The following KCNMA1 variants were observed in gnomAD, a reference collection of about 807,000 sequenced individuals.
The protein encoded by KCNMA1 is potassium calcium-activated channel subfamily M alpha 1.
In KCNMA1, 29 loss-of-function variants were observed where a neutral mutation model predicts 140.0. The observed-to-expected ratio is 0.21, with a 90% confidence interval of 0.15 to 0.28. KCNMA1 has a LOEUF of 0.28. Among genes scored for constraint, KCNMA1 ranks in the 10% least tolerant of loss-of-function variants. The pLI is 1.00. For missense variants in KCNMA1, 880 were observed against 1,602.2 expected (o/e 0.55, Z 7.70); for synonymous variants, 612 against 611.9 (o/e 1.00, Z 0.00).
chr10:77,543,162 T>C (rs1364805979), intron 1 of KCNMA1, among the ~76,000 whole-genome samples: 2 of 152,096 alleles, frequency 1.3e-5, no homozygotes, highest in Non-Finnish European at 2.9e-5. Context: ...CCCTCATTAG[T>C]GGAATGAGCC....
chr10:76,970,335 A>T (rs78265673), intron 19 of KCNMA1: 1 of 351,038 alleles, frequency 2.8e-6, no homozygotes, highest in Non-Finnish European at 5.3e-6. Context: ...ATAAGAAAAA[A>T]AAAAAAAAAA....
chr10:77,027,043 C>T (rs1037301193), intron 16 of KCNMA1, among the ~76,000 whole-genome samples: 2 of 152,146 alleles, frequency 1.3e-5, no homozygotes, highest in African/African-American at 4.8e-5. Flanking sequence ...TTGAGCATTT[C>T]TCAATGAGCT....
At chr10:77,296,908 T>TGGGGGGGGGG (rs781675116) in intron 2 of KCNMA1, among the ~76,000 whole-genome samples, 2 of 80,254 alleles carry the variant, frequency 2.5e-5, no homozygotes, top group Non-Finnish European at 6.6e-5. Flanking sequence ...CCTGGGTGTG[T>TGGGGGGGGGG]GGGCGGGGGG....
At chr10:76,898,041 T>G (rs1181106992) in intron 25 of KCNMA1, among the ~76,000 whole-genome samples, 3 of 151,788 alleles carry the variant, frequency 2.0e-5, no homozygotes, top group Admixed American at 1.3e-4. Flanking sequence ...AGATGGATCA[T>G]AAAACATATA....
chr10:76,933,140 A>T (rs2059688022), intron 23 of KCNMA1, among the ~76,000 whole-genome samples: 2 of 152,338 alleles, frequency 1.3e-5, no homozygotes, highest in South Asian at 4.1e-4. Flanking sequence ...TTGTCAAATG[A>T]AGGGAGACTA....
At chr10:77,025,594 G>A in intron 16 of KCNMA1, 1 of 677,560 alleles carries the variant, frequency 1.5e-6, no homozygotes, top group Admixed American at 2.2e-5. Flanking sequence ...TTTTGGCAAA[G>A]CATGAAAACA....
intron 23 of KCNMA1, among the ~76,000 whole-genome samples, chr10:76,933,890 C>T (rs370008508): frequency 6.6e-6 from 1 of 152,206 alleles, no homozygotes; most frequent in Non-Finnish European, 1.5e-5. Flanking sequence ...AAATCCAGAA[C>T]TAAAGTCATT....
At chr10:77,146,701 CAAAAAAAAAAAAAAAAA>C (rs5786266) in intron 5 of KCNMA1, among the ~76,000 whole-genome samples, 1 of 64,182 alleles carries the variant, frequency 1.6e-5, no homozygotes, top group Admixed American at 2.7e-4. Context: ...GACTTCATCT[CAAAAAAAAAAAAAAAAA>C]AAAAAAAAAA....
At chr10:77,620,176 C>T (rs368921948) in intron 1 of KCNMA1, among the ~76,000 whole-genome samples, 11 of 152,252 alleles carry the variant, frequency 7.2e-5, no homozygotes, top group Middle Eastern at 6.8e-3. Flanking sequence ...TTCTCTGGCT[C>T]GACCTCACCC....
At position 77,586,073 on chromosome 10, in the gene KCNMA1, G is replaced by A. The variant is rs16935100; in HGVS notation, c.378+51192C>T. Among the ~76,000 whole-genome samples, 726 of 152,232 alleles carry A rather than the reference G, an allele frequency of 4.8e-3. 7 individuals carry two copies. Among genetic ancestry groups the A allele is most frequent in the South Asian group, 0.025 (121 of 4,832 alleles). On this transcript the variant is annotated intron_variant, in intron 1 of 27. Transcript: ENST00000286628. Reference sequence around the variant, plus strand: ...AAACTTTTATCAACATGCATTTTCTGTTCCCGGTATATAATAAAGGGTCCC... The same window carrying A: ...AAACTTTTATCAACATGCATTTTCTATTCCCGGTATATAATAAAGGGTCCC...
downstream of KCNMA1, among the ~76,000 whole-genome samples, chr10:76,880,444 T>G (rs1406759742): frequency 6.6e-6 from 1 of 152,186 alleles, no homozygotes; most frequent in African/African-American, 2.4e-5. Flanking sequence ...CTGTTTAATT[T>G]GGGTGCCTCC....
At position 76,886,653 on chromosome 10, in the gene KCNMA1, C is replaced by A. The variant is rs1359358207; in HGVS notation, c.*613G>T. ...CCTTGGTGAGTAACTAAAAAAATCA[C>A]TGATGTTCTCTTGCAACAAGCAGGT... On this transcript the variant is annotated 3_prime_UTR_variant, in exon 28 of 28. Transcript: ENST00000286628. 1 of 991,568 alleles carries A rather than the reference C, an allele frequency of 1.0e-6. No individual in the cohort carries two copies. The highest frequency in any genetic ancestry group is 1.7e-5 in the African/African-American group (1 of 57,258). The allele number at this position is 991,568 out of a possible 1,614,324, so 61.4% of individuals were successfully genotyped here.
intron 5 of KCNMA1, among the ~76,000 whole-genome samples, chr10:77,158,697 G>T (rs2098519197): frequency 6.6e-6 from 1 of 152,156 alleles, no homozygotes; most frequent in East Asian, 1.9e-4. Context: ...AGGGAGGAAG[G>T]TTTCCCAGCA....
At chr10:77,048,938 G>A (rs1045111308) in intron 14 of KCNMA1, among the ~76,000 whole-genome samples, 2 of 152,000 alleles carry the variant, frequency 1.3e-5, no homozygotes, top group African/African-American at 4.8e-5. Context: ...TTTTGTTTTT[G>A]TATTTTTAGT....
intron 2 of KCNMA1, among the ~76,000 whole-genome samples, chr10:77,346,683 G>T (rs11594783): frequency 0.037 from 5,697 of 152,236 alleles, 190 homozygotes; most frequent in East Asian, 0.15. Flanking sequence ...CATTGGGGTT[G>T]CTGTGTCCTG....
chr10:77,465,013 C>T (rs7906893), intron 1 of KCNMA1, among the ~76,000 whole-genome samples: 7,624 of 152,178 alleles, frequency 0.05, 462 homozygotes, highest in African/African-American at 0.14. Context: ...AAAGGAATAG[C>T]CAAAATTCTA....
intron 5 of KCNMA1, among the ~76,000 whole-genome samples, chr10:77,139,003 G>A (rs545184757): frequency 5.9e-5 from 9 of 152,256 alleles, no homozygotes; most frequent in East Asian, 1.9e-4. Flanking sequence ...CCTCCTGCCC[G>A]TTCCTCAGCA....
intron 18 of KCNMA1, among the ~76,000 whole-genome samples, chr10:77,006,870 G>A (rs142865743): frequency 4.6e-5 from 7 of 152,308 alleles, no homozygotes; most frequent in African/African-American, 1.7e-4. Flanking sequence ...AAGCCACAGA[G>A]TCGATTTTGG....
In KCNMA1 at chr10:76,982,328, GAAAA is replaced by G. The variant is rs11317483; in HGVS notation, c.2267-12265_2267-12262del. ...AAGTCCTAGAGAGAGAATTGTTCAG[GAAAA>G]AAAAAAAAAAAGAAAGGAAGAAAAA... On this transcript the variant is annotated intron_variant, in intron 19 of 27. Coordinates refer to ENST00000286628, the MANE Select transcript of KCNMA1 (RefSeq NM_001161352.2). Among the ~76,000 whole-genome samples the G allele has an allele frequency of 1.4e-3, 195 of 144,292 alleles. 2 individuals carry two copies. Among genetic ancestry groups the G allele is most frequent in the Admixed American group, 4.4e-3 (64 of 14,518 alleles). The allele number at this position is 144,292 out of a possible 152,430, so 94.7% of individuals were successfully genotyped here.
Sources: allele counts gnomAD v4.1 joint callset (sites outside exome capture counted in the v4.1 genomes callset), GRCh38; gene constraint gnomAD v4.1.1; transcripts MANE v1.5; gene names NCBI Gene and HGNC (gene_info 2026-07-23, HGNC 2026-07-21).